PKIG: variants seen among roughly 807,000 people sequenced by gnomAD.
PKIG encodes the protein protein kinase (cAMP-dependent, catalytic) inhibitor gamma.
PKIG carries 1 observed loss-of-function variant against 6.8 expected under a neutral mutation model. The ratio of observed to expected loss-of-function variants is 0.15; its 90% CI spans 0.05 to 0.69. The LOEUF (loss-of-function observed/expected upper bound fraction) is 0.69. PKIG is among the 30% of genes least tolerant of loss of function. The pLI, the probability that PKIG is intolerant of heterozygous loss-of-function variation, is 0.82. For synonymous variants in PKIG, 39 were observed against 43.0 expected (o/e 0.91, Z 0.36); for missense variants, 77 against 104.0 (o/e 0.74, Z 1.13).
In PKIG at chr20:44,539,175, C is replaced by T. The variant is rs577123803; in HGVS notation, c.-241+7197C>T. 3.6e-3 allele frequency among the ~76,000 whole-genome samples: 541 copies of T among 152,056 alleles called. 4 individuals carry two copies. Among genetic ancestry groups the T allele is most frequent in the African/African-American group, 0.012 (498 of 41,452 alleles). On this transcript the variant is annotated intron_variant, in intron 1 of 4. Coordinates refer to the PKIG transcript ENST00000372887. The stretch of plus-strand genomic sequence containing the variant: ...AACTCCTGACCTCAGGTGATCTGCC[C>T]GCCCACCTCAGCCTCCCAAAGTGTT...
At chr20:44,546,942 A>G (rs1294388486) in intron 1 of PKIG, among the ~76,000 whole-genome samples, 1 of 152,194 alleles carries the variant, frequency 6.6e-6, no homozygotes, top group Non-Finnish European at 1.5e-5. Flanking sequence ...TCTTTTTCCA[A>G]ATCACATAGC....
At chr20:44,567,832 A>G (rs1478792145) in intron 1 of PKIG, among the ~76,000 whole-genome samples, 1 of 152,190 alleles carries the variant, frequency 6.6e-6, no homozygotes, top group Non-Finnish European at 1.5e-5. Flanking sequence ...TGGCCAGACA[A>G]TGTGTTTGAT....
intron 2 of PKIG, among the ~76,000 whole-genome samples, chr20:44,591,174 T>G (rs1600880033): frequency 6.7e-6 from 1 of 148,558 alleles, no homozygotes; most frequent in Non-Finnish European, 1.5e-5. Context: ...TGGAGAAGAG[T>G]GGGCGGGGAC....
At position 44,618,834 on chromosome 20, in the gene PKIG, T is replaced by G. The variant is rs76116712; in HGVS notation, c.*470T>G. On this transcript the variant is annotated 3_prime_UTR_variant, in exon 4 of 4. Transcript: ENST00000372886. Reference sequence around the variant, plus strand: ...ATTTTAAACCTTTTTTCAGCAGATATGGAGAGAGCTGACAATCAATTCACA... The same window carrying G: ...ATTTTAAACCTTTTTTCAGCAGATAGGGAGAGAGCTGACAATCAATTCACA... The G allele has an allele frequency of 5.8e-3, 919 of 159,700 alleles. 58 individuals carry two copies. The East Asian group carries it at 0.14, about 24-fold the overall frequency. 9.9% of individuals were successfully genotyped at this position (159,700 alleles called of 1,614,324 possible).
chr20:44,548,524 C>T (rs1413979374), intron 1 of PKIG, among the ~76,000 whole-genome samples: 3 of 152,056 alleles, frequency 2.0e-5, no homozygotes, highest in Non-Finnish European at 2.9e-5. Flanking sequence ...AAATGAAATA[C>T]TTATCAACCA....
intron 1 of PKIG, among the ~76,000 whole-genome samples, chr20:44,534,660 G>C (rs2064496749): frequency 6.6e-6 from 1 of 151,998 alleles, no homozygotes; most frequent in South Asian, 2.1e-4. Context: ...GTAGAGATGA[G>C]GTTTTGCCAT....
upstream of PKIG, among the ~76,000 whole-genome samples, chr20:44,580,910 C>G (rs2064942555): frequency 6.6e-6 from 1 of 152,178 alleles, no homozygotes; most frequent in South Asian, 2.1e-4. Flanking sequence ...TGAAACAGAT[C>G]AGATCTGCTC....
chr20:44,593,122 C>G (rs2065046727), intron 2 of PKIG, among the ~76,000 whole-genome samples: 1 of 151,264 alleles, frequency 6.6e-6, no homozygotes, highest in Admixed American at 6.6e-5. Flanking sequence ...AGTTCGAGAC[C>G]AACCTGGGCA....
chr20:44,565,243 G>T (rs1201233867), intron 1 of PKIG, among the ~76,000 whole-genome samples: 1 of 152,106 alleles, frequency 6.6e-6, no homozygotes, highest in African/African-American at 2.4e-5. Flanking sequence ...TGGGACTATA[G>T]AGTTGAATAA....
chr20:44,588,549 C>A (rs772420293), intron 1 of PKIG, among the ~76,000 whole-genome samples: 1 of 151,666 alleles, frequency 6.6e-6, no homozygotes, highest in Non-Finnish European at 1.5e-5. Context: ...GAGGCTGAGG[C>A]GGAAGAATTG....
chr20:44,588,182 C>T (rs140772258), intron 1 of PKIG, among the ~76,000 whole-genome samples: 15 of 152,154 alleles, frequency 9.9e-5, no homozygotes, highest in Admixed American at 3.3e-4. Flanking sequence ...ACCTAATATC[C>T]GCCAGGCACT....
intron 1 of PKIG, among the ~76,000 whole-genome samples, chr20:44,551,163 C>G (rs1046173502): frequency 6.6e-6 from 1 of 152,140 alleles, no homozygotes; most frequent in Non-Finnish European, 1.5e-5. Context: ...ACACCACTCT[C>G]CTGCCTCAGC....
chr20:44,556,008 T>C (rs950171000), intron 1 of PKIG, among the ~76,000 whole-genome samples: 3 of 152,072 alleles, frequency 2.0e-5, no homozygotes, highest in Non-Finnish European at 2.9e-5. Flanking sequence ...GCCTGGCTAA[T>C]TTTTGTATTT....
intron 1 of PKIG, among the ~76,000 whole-genome samples, chr20:44,552,567 A>G (rs1276011562): frequency 6.6e-6 from 1 of 152,144 alleles, no homozygotes. Context: ...ATGAAAGGAG[A>G]CAAGCAGGCA....
chr20:44,556,734 A>G (rs755053681), intron 1 of PKIG, among the ~76,000 whole-genome samples: 10 of 151,916 alleles, frequency 6.6e-5, no homozygotes, highest in Non-Finnish European at 7.4e-5. Context: ...TTTCTTTTTT[A>G]TTTATGGCAG....
chr20:44,556,261 G>A (rs560552028), intron 1 of PKIG, among the ~76,000 whole-genome samples: 1 of 152,300 alleles, frequency 6.6e-6, no homozygotes, highest in South Asian at 2.1e-4. Flanking sequence ...TAAAAAAAGT[G>A]TGTTTGGCTT....
chr20:44,614,579 A>T lies in PKIG; in HGVS notation c.23A>T (p.Tyr8Phe). The change falls in exon 3 of 4, where the codon TAC becomes TTC. Residue 8 changes from tyrosine to phenylalanine, a missense_variant. Tyr to Phe is a conservative substitution (Grantham distance 22, BLOSUM62 3). Transcript: ENST00000372886. This position sits in a 1 kb window ranked among gnomAD's most constrained non-coding sequence, Gnocchi z 4.6. ...GGCATGATGGAGGTCGAGTCCTCCT[A>T]CTCGGACTTCATCTCCTGTGACCGG... MMEVESS[Y>F]SDFISCDRTG... 6.2e-7 allele frequency: 1 copy of T among 1,613,878 alleles called. No homozygotes were observed. The highest frequency in any genetic ancestry group is 2.2e-5 in the East Asian group (1 of 44,846).
At chr20:44,569,717 C>T (rs2064839103) in intron 1 of PKIG, among the ~76,000 whole-genome samples, 1 of 152,194 alleles carries the variant, frequency 6.6e-6, no homozygotes, top group Admixed American at 6.5e-5. Flanking sequence ...AGAGATTCTC[C>T]TGCTTCAGCC....
chr20:44,532,811 A>G (rs1023272715), intron 1 of PKIG, among the ~76,000 whole-genome samples: 2 of 152,196 alleles, frequency 1.3e-5, no homozygotes, highest in African/African-American at 4.8e-5. Flanking sequence ...TGCTGTGGGT[A>G]GATAAAGCAG....
Sources: gnomAD v4.1 joint callset for allele counts (sites outside exome capture counted in the v4.1 genomes callset) on GRCh38, gnomAD v4.1.1 for gene constraint, Gnocchi (gnomAD v3.1) non-coding constraint, MANE v1.5 for transcripts, NCBI Gene and HGNC (gene_info 2026-07-23, HGNC 2026-07-21) for gene names.